Variants in SYNE2 observed in about 807,000 individuals in gnomAD.
The protein encoded by SYNE2 is nesprin-2.
In SYNE2, 431 loss-of-function variants were observed where a neutral mutation model predicts 856.3. The observed-to-expected ratio is 0.50, with a 90% CI of 0.47 to 0.55. The LOEUF is 0.55. Among genes scored for constraint, SYNE2 ranks in the 20% least tolerant of loss-of-function variants. SYNE2 has a pLI of 0.00. For missense variants in SYNE2, 8,129 were observed against 8,023.2 expected, an observed-to-expected ratio of 1.01 and a Z score of -0.50; for synonymous variants, 2,923 against 2,872.3, an observed-to-expected ratio of 1.02 and a Z score of -0.56.
intron 2 of SYNE2, among the ~76,000 whole-genome samples, chr14:63,913,789 G>A (rs988537635): frequency 3.2e-4 from 36 of 111,320 alleles, no homozygotes; most frequent in African/African-American, 1.2e-3. Context: ...ATGATTTTGC[G>A]ATATGGAAAT....
At chr14:63,883,322 G>C (rs904376571) in intron 1 of SYNE2, among the ~76,000 whole-genome samples, 1 of 151,958 alleles carries the variant, frequency 6.6e-6, no homozygotes, top group South Asian at 2.1e-4. Context: ...GCCTCCCAAA[G>C]TGCTAGGATT....
chr14:63,924,305 A>T (rs896094598), intron 2 of SYNE2, among the ~76,000 whole-genome samples: 3 of 152,034 alleles, frequency 2.0e-5, no homozygotes, highest in Non-Finnish European at 4.4e-5. Context: ...GTGTCTTCCA[A>T]CTTAATTCTT....
At chr14:63,792,415 C>T (rs1566569205) in intron 1 of SYNE2, among the ~76,000 whole-genome samples, 1 of 151,968 alleles carries the variant, frequency 6.6e-6, no homozygotes, top group African/African-American at 2.4e-5. Flanking sequence ...ATTAGGCTGG[C>T]GTGGTGATGT....
At chr14:64,132,836 A>C (rs1018923132) in intron 77 of SYNE2, among the ~76,000 whole-genome samples, 14 of 152,216 alleles carry the variant, frequency 9.2e-5, no homozygotes, top group Non-Finnish European at 1.8e-4. Flanking sequence ...ATAAGCATGC[A>C]TAAAGCTCCT....
intron 94 of SYNE2, among the ~76,000 whole-genome samples, chr14:64,170,804 G>A (rs2098406972): frequency 6.6e-6 from 1 of 152,150 alleles, no homozygotes; most frequent in Non-Finnish European, 1.5e-5. Context: ...TTGACCATTA[G>A]TGTAGTAATG....
chr14:63,997,139 G>A lies in SYNE2; in HGVS notation c.3133G>A (p.Gly1045Arg). 2 of 1,614,034 alleles carry A rather than the reference G, an allele frequency of 1.2e-6. No individual in the cohort carries two copies. The highest frequency in any genetic ancestry group is 1.7e-6 in the Non-Finnish European group (2 of 1,179,964). ...TCATATGACACTGCAGCCCACAGCGGGAGGCACGTCGAAAAACGAGTTAGT... is the reference window on the plus strand; with the variant it reads ...TCATATGACACTGCAGCCCACAGCGAGAGGCACGTCGAAAAACGAGTTAGT... ...EIHMTLQPTAGGTSKNEGTIT... is the reference protein window; with the variant it reads ...EIHMTLQPTARGTSKNEGTIT... The change falls in exon 24 of 116, where the codon GGA becomes AGA. Residue 1045 changes from glycine to arginine, a missense_variant. By Grantham distance (125) the Gly-to-Arg change is moderately radical. Around this residue, in one of 3 missense-constraint regions of SYNE2, gnomAD observed 2,422 missense variants for 2,357.4 expected, o/e 1.03. Coordinates refer to ENST00000555002, the MANE Select transcript of SYNE2 (RefSeq NM_182914.3).
Position 64,206,169 on chromosome 14 carries a change from C to G in SYNE2, c.18202-2589C>G, listed in dbSNP as rs947522341. Among the ~76,000 whole-genome samples the G allele has an allele frequency of 4.6e-5, 7 of 152,228 alleles. No homozygotes were observed. In the East Asian group the frequency reaches 7.7e-4, roughly 17 times the overall value. ...CCCCTTCTCCTCTTGCTCTGTACCC[C>G]CTGGCCCCCAAGTTCCTCCCCAACC... On this transcript the variant is annotated intron_variant, in intron 100 of 115. Coordinates refer to ENST00000555002, the MANE Select transcript of SYNE2 (RefSeq NM_182914.3).
In SYNE2 at chr14:64,209,532, C is replaced by T. The variant is rs2098629182; in HGVS notation, c.18494C>T (p.Ser6165Leu). ...AGGACGGCAGCCTGCCCAAATTCCT[C>T]AGAGGTGTTGTACACGAGTGCCAAA... ...AERTAACPNS[S>L]EVLYTSAKEE... Residue 6165 changes from serine to leucine, a missense_variant, in exon 102 of 116, where the codon TCA becomes TTA. Around this residue, in one of 3 missense-constraint regions of SYNE2, gnomAD observed 5,410 missense variants for 5,284.8 expected, o/e 1.02. Coordinates refer to ENST00000555002, the MANE Select transcript of SYNE2 (RefSeq NM_182914.3). The T allele has an allele frequency of 1.2e-6, 2 of 1,614,098 alleles. No homozygotes were observed. The highest frequency in any genetic ancestry group is 1.7e-5 in the Admixed American group (1 of 60,000).
At chr14:64,153,750 A>G (rs1047753374) in intron 85 of SYNE2, among the ~76,000 whole-genome samples, 2 of 152,062 alleles carry the variant, frequency 1.3e-5, no homozygotes, top group Non-Finnish European at 2.9e-5. Flanking sequence ...AGATAATTAC[A>G]ATATAATAAA....
Position 64,085,720 on chromosome 14 carries a change from G to A in SYNE2, c.11485-1951G>A, listed in dbSNP as rs547291619. 4.6e-5 allele frequency among the ~76,000 whole-genome samples: 7 copies of A among 152,290 alleles called. No homozygotes were observed. The South Asian group carries it at 1.5e-3, about 32-fold the overall frequency. On this transcript the variant is annotated intron_variant, in intron 57 of 115. Transcript: ENST00000555002. ...ATTTTAGCCATTTTAGTGACTTGCA[G>A]TGGTATTTCATTGTGGTTTAAACAG...
In SYNE2 at chr14:64,097,859, C is replaced by G. The variant is rs1442857790; in HGVS notation, c.12109-90C>G. The stretch of plus-strand genomic sequence containing the variant: ...TGTAAACCAAATAGCAAAGAAAAAT[C>G]TTCAGCCCTTGTACCAAAGGAAGCA... On this transcript the variant is annotated intron_variant, in intron 61 of 115. Transcript: ENST00000555002. 6.8e-6 allele frequency: 9 copies of G among 1,316,152 alleles called. No homozygotes were observed. The Admixed American group carries it at 1.2e-4, about 18-fold the overall frequency. The allele number at this position is 1,316,152 out of a possible 1,614,324, so 81.5% of individuals were successfully genotyped here.
At chr14:64,099,053 G>A (rs948753468) in intron 63 of SYNE2, 2 of 511,312 alleles carry the variant, frequency 3.9e-6, no homozygotes, top group African/African-American at 3.9e-5. Flanking sequence ...TGGCATACGG[G>A]AGAAGGTGAA....
At chr14:64,100,372 C>T (rs1479095268) in intron 63 of SYNE2, 6 of 150,260 alleles carry the variant, frequency 4.0e-5, no homozygotes, top group African/African-American at 1.2e-4. Flanking sequence ...AAAAATTTGC[C>T]AGGTGTGGTG....
At chr14:63,899,572 G>A (rs2095308143) in intron 1 of SYNE2, among the ~76,000 whole-genome samples, 1 of 151,976 alleles carries the variant, frequency 6.6e-6, no homozygotes, top group Non-Finnish European at 1.5e-5. Context: ...CGCAATCATG[G>A]CTTATTGCAG....
chr14:63,948,782 G>GTGTGTGTGTGTC (rs1454688156), intron 6 of SYNE2, among the ~76,000 whole-genome samples: 1 of 43,906 alleles, frequency 2.3e-5, no homozygotes, highest in African/African-American at 8.1e-5. Context: ...ATGTGTGTGT[G>GTGTGTGTGTGTC]TATATATATA....
intron 19 of SYNE2, among the ~76,000 whole-genome samples, chr14:63,988,571 G>A (rs1361836023): frequency 6.6e-6 from 1 of 152,146 alleles, no homozygotes; most frequent in East Asian, 1.9e-4. Context: ...TTACATAGTT[G>A]ATATCACATA....
chr14:64,121,175 T>A (rs2097895303), intron 68 of SYNE2, 114 bp downstream of exon 68: 1 of 1,456,226 alleles, frequency 6.9e-7, no homozygotes, highest in South Asian at 1.2e-5. Flanking sequence ...GGATCACCTG[T>A]GGCCAGGTGT....
intron 1 of SYNE2, among the ~76,000 whole-genome samples, chr14:63,866,310 T>C (rs1448559561): frequency 2.0e-5 from 3 of 152,214 alleles, no homozygotes; most frequent in East Asian, 3.8e-4. Context: ...GTGAACTCTT[T>C]CAATTTACTT....
intron 95 of SYNE2, among the ~76,000 whole-genome samples, chr14:64,176,506 G>A (rs749280918): frequency 3.3e-5 from 5 of 152,146 alleles, no homozygotes; most frequent in Non-Finnish European, 5.9e-5. Context: ...GGTGAGAAGT[G>A]GAAAGTGAAG....
Sources: allele counts gnomAD v4.1 joint callset (sites outside exome capture counted in the v4.1 genomes callset), GRCh38; gene constraint gnomAD v4.1.1; regional missense constraint gnomAD v4.1.1; transcripts MANE v1.5; gene names NCBI Gene and HGNC (gene_info 2026-07-23, HGNC 2026-07-21).